Variants in DNAH17 observed in about 807,000 individuals in gnomAD.
DNAH17 encodes dynein axonemal heavy chain 17.
Under a neutral mutation model 485.6 loss-of-function variants are expected in DNAH17, and 376 were observed. That is an observed-to-expected ratio of 0.77 (90% CI 0.71 to 0.84). DNAH17 has a LOEUF of 0.84. DNAH17 is among the 40% of genes least tolerant of loss of function. The pLI, the probability that DNAH17 is intolerant of heterozygous loss-of-function variation, is 0.00. For missense variants in DNAH17, 6,370 were observed against 5,839.3 expected, an observed-to-expected ratio of 1.09 and a Z score of -2.96; for synonymous variants, 3,031 against 2,405.9, an observed-to-expected ratio of 1.26 and a Z score of -7.60.
chr17:78,507,237 G>A (rs2090509989), intron 29 of DNAH17, 41 bp downstream of exon 29: 1 of 1,605,606 alleles, frequency 6.2e-7, no homozygotes. Flanking sequence ...TAGGGAATCT[G>A]CACCACTGAC....
chr17:78,505,942 C>T (rs1568171353), intron 30 of DNAH17, among the ~76,000 whole-genome samples: 1 of 152,080 alleles, frequency 6.6e-6, no homozygotes, highest in South Asian at 2.1e-4. Flanking sequence ...CGCGCCATTG[C>T]ACTCCAGCCT....
Position 78,501,298 on chromosome 17 carries a change from C to G in DNAH17, c.5369G>C (p.Arg1790Pro). ...AFTWQAQLRHRWDEEKRHCFA... is the reference protein window; with the variant it reads ...AFTWQAQLRHPWDEEKRHCFA... ...GCAGTGTCGCTTCTCTTCGTCCCAGCGATGCCGGAGCTGGGCCTGCCAGGT... is the reference window on the plus strand; with the variant it reads ...GCAGTGTCGCTTCTCTTCGTCCCAGGGATGCCGGAGCTGGGCCTGCCAGGT... Residue 1790 changes from arginine (R) to proline (P), a missense_variant, in exon 35 of 81, where the codon CGC (arginine) becomes CCC (proline). Arg to Pro is a moderately radical substitution (Grantham distance 103). Transcript: ENST00000389840. 1 of 1,606,358 alleles carries G rather than the reference C, an allele frequency of 6.2e-7. No homozygotes were observed. The highest frequency in any genetic ancestry group is 8.5e-7 in the Non-Finnish European group (1 of 1,173,768).
At chr17:78,437,890 G>A in intron 73 of DNAH17, 22 bp from the exon 74 acceptor site, 1 of 1,578,740 alleles carries the variant, frequency 6.3e-7, no homozygotes, top group South Asian at 1.1e-5. Context: ...ACTAGAGGCT[G>A]GTTACACACT....
rs775351651 is a variant in DNAH17, at chr17:78,454,688, C to G, written c.10188G>C (p.Thr3396=). The G allele has an allele frequency of 6.2e-6, 10 of 1,612,188 alleles. No individual in the cohort carries two copies. Among genetic ancestry groups the G allele is most frequent in the Non-Finnish European group, 8.5e-6 (10 of 1,179,828 alleles). Residue 3396 remains threonine, a synonymous_variant, in exon 64 of 81, where the codon ACG becomes ACC. Coordinates refer to ENST00000389840, the MANE Select transcript of DNAH17 (RefSeq NM_173628.4). ...GCAGGCTCAAGGGATCCAGGCCATT[C>G]GTGATCGGGATGGGGACCTGCCCAG... The part of the protein sequence containing the change: ...IHNLKVPIPI[T]NGLDPLSLLT...
intron 17 of DNAH17, among the ~76,000 whole-genome samples, chr17:78,542,713 G>A (rs550802973): frequency 1.3e-5 from 2 of 152,304 alleles, no homozygotes; most frequent in South Asian, 4.1e-4. Flanking sequence ...TATGCTGTTG[G>A]GACTACTGGC....
intron 61 of DNAH17, 158 bp downstream of exon 61, chr17:78,458,843 C>A: frequency 9.6e-7 from 1 of 1,044,964 alleles, no homozygotes. Flanking sequence ...AAGCGGCTCC[C>A]GGCACCATCT....
At chr17:78,483,669 G>T (rs573607376) in intron 48 of DNAH17, among the ~76,000 whole-genome samples, 1 of 151,582 alleles carries the variant, frequency 6.6e-6, no homozygotes, top group Non-Finnish European at 1.5e-5. Context: ...ACCCAGCTCC[G>T]CCACTCATTA....
chr17:78,565,874 C>T (rs1012188046), intron 11 of DNAH17, among the ~76,000 whole-genome samples: 12 of 152,060 alleles, frequency 7.9e-5, no homozygotes, highest in Non-Finnish European at 1.5e-4. Flanking sequence ...CGTTTGAACC[C>T]GGGAGGCGGA....
chr17:78,570,984 G>A lies in DNAH17; in HGVS notation c.882C>T (p.Ile294=), dbSNP rs1375774305. The A allele has an allele frequency of 6.3e-7, 1 of 1,585,418 alleles. No homozygotes were observed. The change falls in exon 6 of 81, where the codon ATC becomes ATT. Residue 294 remains isoleucine, a synonymous_variant. Transcript: ENST00000389840. ...DIVLYLKPLR[I]LLEEMEQADF... Reference sequence around the variant, plus strand: ...CGGCTTGTTCCATCTCCTCCAGCAGGATCCGTAGGGGCTTCAAATAGAGCA... The same window carrying A: ...CGGCTTGTTCCATCTCCTCCAGCAGAATCCGTAGGGGCTTCAAATAGAGCA...
In DNAH17 at chr17:78,475,743, C is replaced by T. The variant is rs1000730487; in HGVS notation, c.8245G>A (p.Asp2749Asn). The T allele has an allele frequency of 4.3e-6, 7 of 1,613,654 alleles. No homozygotes were observed. The highest frequency in any genetic ancestry group is 1.3e-5 in the African/African-American group (1 of 74,848). Residue 2749 changes from aspartate (D) to asparagine (N), a missense_variant, in exon 53 of 81, where the codon GAC (aspartate) becomes AAC (asparagine). Transcript: ENST00000389840. The part of the protein sequence containing the change: ...IGDPKYVPVT[D>N]MAPLNKLLVD... ...AGGAGCTTGTTCAGAGGAGCCATGT[C>T]GGTTACAGGAACATATTTGGGATCG...
chr17:78,464,662 T>C (rs917543073), intron 56 of DNAH17, among the ~76,000 whole-genome samples: 6 of 152,246 alleles, frequency 3.9e-5, no homozygotes, highest in African/African-American at 1.4e-4. Context: ...TGTATACTTA[T>C]TCCAGCAAAT....
At chr17:78,550,467 G>T (rs2091877967) in intron 16 of DNAH17, among the ~76,000 whole-genome samples, 1 of 12,746 alleles carries the variant, frequency 7.8e-5, no homozygotes, top group Non-Finnish European at 1.5e-4. Flanking sequence ...GCTTTAAAGA[G>T]GTGCTTAAGT....
At chr17:78,442,381 G>C (rs1000711686) in intron 71 of DNAH17, among the ~76,000 whole-genome samples, 1 of 152,300 alleles carries the variant, frequency 6.6e-6, no homozygotes, top group South Asian at 2.1e-4. Context: ...CTTGTCTCTG[G>C]TGTCCTGAAC....
At chr17:78,514,372 G>C (rs568937536) in intron 26 of DNAH17, among the ~76,000 whole-genome samples, 144 of 152,044 alleles carry the variant, frequency 9.5e-4, no homozygotes, top group African/African-American at 3.2e-3. Flanking sequence ...GGGTGTGGTG[G>C]TGGGTGCCTG....
At chr17:78,548,111 T>A (rs1175784946) in intron 16 of DNAH17, among the ~76,000 whole-genome samples, 1 of 152,186 alleles carries the variant, frequency 6.6e-6, no homozygotes, top group African/African-American at 2.4e-5. Context: ...TTTGCAGTTT[T>A]GACTTTCTTA....
chr17:78,444,341 T>C lies in DNAH17; in HGVS notation c.11528+263A>G, dbSNP rs181376884. 3.7e-3 allele frequency among the ~76,000 whole-genome samples: 558 copies of C among 152,278 alleles called. 5 individuals carry two copies. The highest frequency in any genetic ancestry group is 3.0e-3 in the Non-Finnish European group (201 of 68,020). The stretch of plus-strand genomic sequence containing the variant: ...AGCGGGGGACAAGGGGTTCCCCTAA[T>C]GATACTCTGAGACATTAAGGATTAA... On this transcript the variant is annotated intron_variant, in intron 71 of 80. Coordinates refer to ENST00000389840, the MANE Select transcript of DNAH17 (RefSeq NM_173628.4).
At position 78,450,267 on chromosome 17, in the gene DNAH17, T is replaced by G; in HGVS notation, c.11027A>C (p.Gln3676Pro). 6.2e-7 allele frequency: 1 copy of G among 1,613,896 alleles called. No homozygotes were observed. Among genetic ancestry groups the G allele is most frequent in the Non-Finnish European group, 8.5e-7 (1 of 1,179,874 alleles). Residue 3676 changes from glutamine (Q) to proline (P), a missense_variant, in exon 68 of 81, where the codon CAG (glutamine) becomes CCG (proline). Physicochemically the swap from Gln to Pro is moderately conservative, Grantham distance 76. Transcript: ENST00000389840. ...TGCAGGGCGCACCTTGAGGGAGAAC[T>G]GGTAGACGGGGTTGATTTTGTTGAG... ...NDLNKINPVY[Q>P]FSLKAFNVVF...
At chr17:78,449,379 C>T (rs762602007) in intron 69 of DNAH17, 35 bp downstream of exon 69, 126 of 1,520,026 alleles carry the variant, frequency 8.3e-5, no homozygotes, top group Middle Eastern at 2.3e-4. Flanking sequence ...CGCTGGTCCA[C>T]GGACCACACT....
In DNAH17 at chr17:78,572,354, A is replaced by C. The variant is rs535469874; in HGVS notation, c.539+347T>G. 4.6e-5 allele frequency among the ~76,000 whole-genome samples: 7 copies of C among 152,188 alleles called. No individual in the cohort carries two copies. In the South Asian group the frequency reaches 1.5e-3, roughly 32 times the overall value. On this transcript the variant is annotated intron_variant, in intron 3 of 80. Transcript: ENST00000389840. ...ACTCACTGACCCTGTCCCACATCTTAAAGCTGTGCCTCCTGTTTCCTGGCC... is the reference window on the plus strand; with the variant it reads ...ACTCACTGACCCTGTCCCACATCTTCAAGCTGTGCCTCCTGTTTCCTGGCC...
Sources: gnomAD v4.1 joint callset for allele counts (sites outside exome capture counted in the v4.1 genomes callset) on GRCh38, gnomAD v4.1.1 for gene constraint, MANE v1.5 for transcripts, NCBI Gene and HGNC (gene_info 2026-07-23, HGNC 2026-07-21) for gene names.